Variants in PARD3B observed in about 807,000 individuals in gnomAD.
The protein encoded by PARD3B is par-3 family cell polarity regulator beta.
In PARD3B, 103 loss-of-function variants were observed where a neutral mutation model predicts 130.2. The observed-to-expected ratio is 0.79, with a 90% confidence interval of 0.67 to 0.93. PARD3B has a LOEUF of 0.93. PARD3B is among the 40% of genes least tolerant of loss of function. The pLI is 0.00. For missense variants in PARD3B, 1,609 were observed against 1,499.2 expected, an observed-to-expected ratio of 1.07 and a Z score of -1.21; for synonymous variants, 583 against 553.2, an observed-to-expected ratio of 1.05 and a Z score of -0.76.
intron 1 of PARD3B, among the ~76,000 whole-genome samples, chr2:204,636,550 A>G (rs901204606): frequency 2.6e-5 from 4 of 151,450 alleles, no homozygotes; most frequent in Admixed American, 1.3e-4. Flanking sequence ...TGCCATGTTT[A>G]TCTACCTGAA....
At chr2:205,447,128 G>T (rs986759634) in intron 20 of PARD3B, among the ~76,000 whole-genome samples, 1 of 152,118 alleles carries the variant, frequency 6.6e-6, no homozygotes, top group East Asian at 1.9e-4. Context: ...TTACATAGAA[G>T]ACATATACCA....
chr2:204,624,133 G>T (rs960201250), intron 1 of PARD3B, among the ~76,000 whole-genome samples: 1 of 152,076 alleles, frequency 6.6e-6, no homozygotes, highest in Non-Finnish European at 1.5e-5. Flanking sequence ...AAATATGTAA[G>T]CAAATTCTAT....
intron 1 of PARD3B, among the ~76,000 whole-genome samples, chr2:204,667,408 T>C (rs181832316): frequency 6.6e-6 from 1 of 152,262 alleles, no homozygotes; most frequent in Admixed American, 6.5e-5. Context: ...TGACTCTGAA[T>C]ATTACCTCCA....
Position 204,974,570 on chromosome 2 carries a change from C to T in PARD3B, c.394+9247C>T, listed in dbSNP as rs538641414. On this transcript the variant is annotated intron_variant, in intron 3 of 22. Coordinates refer to ENST00000406610, the MANE Select transcript of PARD3B (RefSeq NM_001302769.2). ...TTTGGTTCTGTATAATTGTGATGAT[C>T]AATTAAACTTACTAGTGTTTTTAAA... 2.0e-5 allele frequency among the ~76,000 whole-genome samples: 3 copies of T among 152,264 alleles called. No homozygotes were observed. The East Asian group carries it at 5.8e-4, about 29-fold the overall frequency.
At position 204,623,228 on chromosome 2, in the gene PARD3B, C is replaced by G. The variant is rs2034365479; in HGVS notation, c.121-62953C>G. On this transcript the variant is annotated intron_variant, in intron 1 of 22. Transcript: ENST00000406610. This position sits in a 1 kb window ranked among gnomAD's most constrained non-coding sequence, Gnocchi z 4.5. The stretch of plus-strand genomic sequence containing the variant: ...CACATACTATTCACCCAGTTTCTTT[C>G]ACTGGTTGAGTGTTAAATAGCTATA... Among the ~76,000 whole-genome samples the G allele has an allele frequency of 6.6e-6, 1 of 152,112 alleles. No homozygotes were observed. Among genetic ancestry groups the G allele is most frequent in the Admixed American group, 6.6e-5 (1 of 15,246 alleles).
chr2:205,044,835 A>G (rs1698655789), intron 3 of PARD3B, among the ~76,000 whole-genome samples: 1 of 152,254 alleles, frequency 6.6e-6, no homozygotes, highest in Non-Finnish European at 1.5e-5. Context: ...TTTAAGGTGG[A>G]ACTCAGTCTC....
At chr2:204,708,399 C>G (rs2038282683) in intron 2 of PARD3B, among the ~76,000 whole-genome samples, 1 of 152,124 alleles carries the variant, frequency 6.6e-6, no homozygotes, top group South Asian at 2.1e-4. Context: ...ATATATGTAG[C>G]ATGAAAGCTT....
intron 2 of PARD3B, among the ~76,000 whole-genome samples, chr2:204,786,850 C>G (rs1317718383): frequency 6.6e-6 from 1 of 151,736 alleles, no homozygotes; most frequent in African/African-American, 2.4e-5. Context: ...AAATCACAAG[C>G]ATTTCGCTCT....
At chr2:205,109,650 CTTT>C (rs35545106) in intron 5 of PARD3B, among the ~76,000 whole-genome samples, 9 of 69,276 alleles carry the variant, frequency 1.3e-4, no homozygotes, top group South Asian at 5.4e-4. Context: ...AATACCTAAT[CTTT>C]TTTTTTTTTT....
At position 205,399,556 on chromosome 2, in the gene PARD3B, T is replaced by A. The variant is rs184058188; in HGVS notation, c.2631-1457T>A. ...TTTTAGTAGAGACAGGGTTTCACTA[T>A]GTTGGCCAGGCTGGTCTTGAACTCC... is the stretch of plus-strand genomic sequence containing the variant. On this transcript the variant is annotated intron_variant, in intron 18 of 22. Coordinates refer to ENST00000406610, the MANE Select transcript of PARD3B (RefSeq NM_001302769.2). Among the ~76,000 whole-genome samples, 306 of 152,238 alleles carry A rather than the reference T, an allele frequency of 2.0e-3. 3 individuals are homozygous for A. Among genetic ancestry groups the A allele is most frequent in the African/African-American group, 6.9e-3 (286 of 41,566 alleles).
rs1251057835 is a variant in PARD3B at position 205,065,789 on chromosome 2, G to A, written c.504+18099G>A. On this transcript the variant is annotated intron_variant, in intron 4 of 22. Transcript: ENST00000406610. Reference sequence around the variant, plus strand: ...CTGCTTTAACCTTCCCTGCCATGTTGTGATGCAGCACAGAAGCCCTTGCCA... The same window carrying A: ...CTGCTTTAACCTTCCCTGCCATGTTATGATGCAGCACAGAAGCCCTTGCCA... Among the ~76,000 whole-genome samples the A allele has an allele frequency of 2.1e-5, 3 of 142,396 alleles. No individual in the cohort carries two copies. The East Asian group carries it at 6.3e-4, about 30-fold the overall frequency. 93.4% of individuals were successfully genotyped at this position (142,396 alleles called of 152,430 possible).
At chr2:204,635,834 A>G (rs2034855845) in intron 1 of PARD3B, among the ~76,000 whole-genome samples, 1 of 152,236 alleles carries the variant, frequency 6.6e-6, no homozygotes, top group Admixed American at 6.5e-5. Flanking sequence ...ATGTATCATA[A>G]TAGAAATCAT....
intron 2 of PARD3B, among the ~76,000 whole-genome samples, chr2:204,847,577 C>G (rs535417397): frequency 6.6e-6 from 1 of 152,088 alleles, no homozygotes; most frequent in South Asian, 2.1e-4. Flanking sequence ...GGTAAAATCT[C>G]GCACCATCTC....
intron 15 of PARD3B, among the ~76,000 whole-genome samples, chr2:205,202,061 A>G (rs1431351520): frequency 6.6e-6 from 1 of 152,168 alleles, no homozygotes; most frequent in Non-Finnish European, 1.5e-5. Context: ...GATAGTTTCC[A>G]GCACCTCCAT....
chr2:205,062,720 A>G (rs1358518723), intron 4 of PARD3B, among the ~76,000 whole-genome samples: 1 of 152,236 alleles, frequency 6.6e-6, no homozygotes, highest in East Asian at 1.9e-4. Flanking sequence ...GAAATTAAGA[A>G]AAGAATAAAA....
chr2:204,643,044 G>A (rs911363240), intron 1 of PARD3B, among the ~76,000 whole-genome samples: 11 of 142,260 alleles, frequency 7.7e-5, no homozygotes, highest in African/African-American at 2.1e-4. Flanking sequence ...AACCCGGGGG[G>A]CGCAGATTGC....
intron 10 of PARD3B, among the ~76,000 whole-genome samples, chr2:205,127,263 C>T (rs376680308): frequency 8.3e-5 from 12 of 144,138 alleles, no homozygotes; most frequent in African/African-American, 2.8e-4. Flanking sequence ...CACGAGTGCG[C>T]TCCAGCCTGG....
At chr2:205,615,319 T>C (rs1036537831) in intron 22 of PARD3B, 137 bp from the exon 23 acceptor site, 3 of 642,868 alleles carry the variant, frequency 4.7e-6, no homozygotes, top group Non-Finnish European at 8.1e-6. Flanking sequence ...TAAGGGCACG[T>C]ATCACTTCTG....
intron 10 of PARD3B, among the ~76,000 whole-genome samples, chr2:205,147,647 T>A (rs553111196): frequency 6.6e-6 from 1 of 152,160 alleles, no homozygotes; most frequent in East Asian, 1.9e-4. Context: ...TTATAAAGAA[T>A]GTCTAGAATT....
Sources: allele counts gnomAD v4.1 joint callset (sites outside exome capture counted in the v4.1 genomes callset), GRCh38; gene constraint gnomAD v4.1.1; non-coding constraint Gnocchi (gnomAD v3.1); transcripts MANE v1.5; gene names NCBI Gene and HGNC (gene_info 2026-07-23, HGNC 2026-07-21).